Variants in LPP observed in about 807,000 individuals in gnomAD.
LPP encodes the protein LIM domain containing preferred translocation partner in lipoma.
Under a neutral mutation model 60.4 loss-of-function variants are expected in LPP, and 38 were observed. The observed-to-expected ratio is 0.63, with a 90% confidence interval of 0.49 to 0.83. The LOEUF is 0.83. Ranked by LOEUF, LPP falls within the 40% of genes least tolerant of loss-of-function variation. The pLI is 0.00. For synonymous variants in LPP, 328 were observed against 290.8 expected, an observed-to-expected ratio of 1.13 and a Z score of -1.30; for missense variants, 902 against 783.6, an observed-to-expected ratio of 1.15 and a Z score of -1.80.
At chr3:188,428,103 A>T (rs1438889002) in intron 4 of LPP, among the ~76,000 whole-genome samples, 1 of 152,104 alleles carries the variant, frequency 6.6e-6, no homozygotes, top group African/African-American at 2.4e-5. Context: ...AAAGGGTAGT[A>T]TCTGGGCCAG....
intron 6 of LPP, among the ~76,000 whole-genome samples, chr3:188,574,921 CCT>C (rs1491379781): frequency 6.6e-6 from 1 of 152,084 alleles, no homozygotes; most frequent in African/African-American, 2.4e-5. Context: ...AAAATTTCCC[CCT>C]TTTTTTCATC....
Position 188,884,880 on chromosome 3 carries a change from A to C in LPP, c.*10401A>C, listed in dbSNP as rs1770482831. ...ATCCATGAGCTAACAATGTCTGAAAACAAATGTTATGGAACTGTTGGCATT... is the reference window on the plus strand; with the variant it reads ...ATCCATGAGCTAACAATGTCTGAAACCAAATGTTATGGAACTGTTGGCATT... On this transcript the variant is annotated 3_prime_UTR_variant, in exon 12 of 12. Transcript: ENST00000617246. 1.8e-5 allele frequency: 4 copies of C among 224,946 alleles called. No individual in the cohort carries two copies. The highest frequency in any genetic ancestry group is 3.5e-5 in the Non-Finnish European group (4 of 112,834). The allele number at this position is 224,946 out of a possible 1,614,324, so 13.9% of individuals were successfully genotyped here.
At chr3:188,361,804 A>G (rs1004617726) in intron 3 of LPP, among the ~76,000 whole-genome samples, 2 of 151,998 alleles carry the variant, frequency 1.3e-5, no homozygotes, top group Admixed American at 6.6e-5. Context: ...CTGACCTCAA[A>G]TGATTTGCCC....
chr3:188,760,293 G>A lies in LPP; in HGVS notation c.1410+11G>A. The A allele has an allele frequency of 6.2e-7, 1 of 1,613,960 alleles. No homozygotes were observed. Among genetic ancestry groups the A allele is most frequent in the Non-Finnish European group, 8.5e-7 (1 of 1,179,916 alleles). On this transcript the variant is annotated intron_variant, in intron 9 of 11. Transcript: ENST00000617246. ...GAGCCCTGCTACATTGTAAGTTCCA[G>A]ATTTGTTCCTCAAGCACTTTGCAAA...
At chr3:188,300,802 C>A (rs918995860) in intron 2 of LPP, among the ~76,000 whole-genome samples, 2 of 152,084 alleles carry the variant, frequency 1.3e-5, no homozygotes, top group African/African-American at 4.8e-5. Context: ...TCAAAGAGTT[C>A]ATTTTCTGTT....
In LPP at chr3:188,785,535, C is replaced by CATATAT. The variant is rs369062490; in HGVS notation, c.1410+25261_1410+25266dup. Among the ~76,000 whole-genome samples the CATATAT allele has an allele frequency of 1.3e-3, 21 of 15,672 alleles. 4 individuals are homozygous for CATATAT. The South Asian group carries it at 0.02, about 15-fold the overall frequency. The allele number at this position is 15,672 out of a possible 152,430, so 10.3% of individuals were successfully genotyped here. ...ATATATATATATATATATATTCCAT[C>CATATAT]ATATATATATATACACACACACACA... On this transcript the variant is annotated intron_variant, in intron 9 of 11. Transcript: ENST00000617246.
chr3:188,603,675 G>C (rs1469308411), intron 6 of LPP, among the ~76,000 whole-genome samples: 2 of 152,094 alleles, frequency 1.3e-5, no homozygotes, highest in Admixed American at 6.6e-5. Context: ...AGGTATTTTA[G>C]CTTGTGTTTT....
At chr3:188,549,167 C>A (rs1050614957) in intron 6 of LPP, among the ~76,000 whole-genome samples, 1 of 152,150 alleles carries the variant, frequency 6.6e-6, no homozygotes, top group African/African-American at 2.4e-5. Flanking sequence ...AAAGCAGTTT[C>A]TCATGTAAGC....
chr3:188,365,042 G>A (rs981289849), intron 3 of LPP, among the ~76,000 whole-genome samples: 1 of 152,000 alleles, frequency 6.6e-6, no homozygotes, highest in African/African-American at 2.4e-5. Context: ...ACTAAACAGA[G>A]GGCTAATAAA....
intron 4 of LPP, among the ~76,000 whole-genome samples, chr3:188,480,667 T>A (rs1251286630): frequency 6.6e-6 from 1 of 152,230 alleles, no homozygotes; most frequent in African/African-American, 2.4e-5. Flanking sequence ...AGCTTGCCTG[T>A]ACGTCTCAGA....
At chr3:188,275,404 G>C (rs962704768) in intron 2 of LPP, among the ~76,000 whole-genome samples, 8 of 152,228 alleles carry the variant, frequency 5.3e-5, no homozygotes, top group African/African-American at 1.9e-4. Context: ...CTGTTGCCCA[G>C]CCTGGAGTAC....
chr3:188,664,633 G>T (rs1243518161), intron 7 of LPP, among the ~76,000 whole-genome samples: 7 of 151,996 alleles, frequency 4.6e-5, no homozygotes, highest in Admixed American at 1.3e-4. Context: ...GTGTGTGTGT[G>T]TGTGGAGAGA....
At chr3:188,804,282 T>TATATATATAA (rs1560227180) in intron 9 of LPP, among the ~76,000 whole-genome samples, 2 of 123,142 alleles carry the variant, frequency 1.6e-5, no homozygotes, top group African/African-American at 3.0e-5. Flanking sequence ...TATATATATA[T>TATATATATAA]AAAATGGAAT....
intron 3 of LPP, among the ~76,000 whole-genome samples, chr3:188,350,421 A>C (rs1394226008): frequency 6.6e-6 from 1 of 152,242 alleles, no homozygotes; most frequent in African/African-American, 2.4e-5. Context: ...CTGTCAGGCA[A>C]AAACCAGCTT....
chr3:188,307,419 C>T (rs1751884986), intron 2 of LPP, among the ~76,000 whole-genome samples: 2 of 152,158 alleles, frequency 1.3e-5, no homozygotes, highest in Admixed American at 1.3e-4. Flanking sequence ...TTTCGAAAGC[C>T]TCAAATCAAT....
chr3:188,528,721 T>G (rs1170918324), intron 6 of LPP, among the ~76,000 whole-genome samples: 1 of 152,218 alleles, frequency 6.6e-6, no homozygotes, highest in East Asian at 1.9e-4. Context: ...TGGTTTCTCC[T>G]TGGCCATATG....
At chr3:188,629,494 C>T (rs549029324) in intron 7 of LPP, among the ~76,000 whole-genome samples, 159 of 151,988 alleles carry the variant, frequency 1.0e-3, no homozygotes, top group Non-Finnish European at 2.0e-3. Context: ...AATAAGATAC[C>T]TAGGAATACA....
chr3:188,886,874 TA>T lies in LPP; in HGVS notation c.*12400del. 4.3e-6 allele frequency: 1 copy of T among 230,118 alleles called. No homozygotes were observed. The allele number at this position is 230,118 out of a possible 1,614,324, so 14.3% of individuals were successfully genotyped here. On this transcript the variant is annotated 3_prime_UTR_variant, in exon 12 of 12. Transcript: ENST00000617246. Reference sequence around the variant, plus strand: ...AAACCTGACCCATTTTTGTAACAGCTAAAAAGGAGAAGAAAAAGCTAGTTAA... The same window carrying T: ...AAACCTGACCCATTTTTGTAACAGCTAAAAGGAGAAGAAAAAGCTAGTTAA...
chr3:188,530,515 A>G (rs748901914), intron 6 of LPP, among the ~76,000 whole-genome samples: 1 of 152,138 alleles, frequency 6.6e-6, no homozygotes, highest in Non-Finnish European at 1.5e-5. Context: ...ACTTAGCCAA[A>G]CTCTTATTCT....
Sources: gnomAD v4.1 joint callset for allele counts (sites outside exome capture counted in the v4.1 genomes callset) on GRCh38, gnomAD v4.1.1 for gene constraint, MANE v1.5 for transcripts, NCBI Gene and HGNC (gene_info 2026-07-23, HGNC 2026-07-21) for gene names.